The following NCKAP5 variants were observed in gnomAD, a reference collection of about 807,000 sequenced individuals.
The protein encoded by NCKAP5 is nck-associated protein 5.
NCKAP5 carries 92 observed loss-of-function variants against 167.0 expected under a neutral mutation model. The ratio of observed to expected loss-of-function variants is 0.55; its 90% CI spans 0.47 to 0.66. NCKAP5 has a LOEUF of 0.66. Among genes scored for constraint, NCKAP5 ranks in the 30% least tolerant of loss-of-function variants. The pLI is 0.00. For synonymous variants in NCKAP5, 891 were observed against 877.4 expected (o/e 1.02, Z -0.27); for missense variants, 2,378 against 2,315.0 (o/e 1.03, Z -0.56).
At chr2:133,540,059 C>T (rs533122704) in intron 2 of NCKAP5, among the ~76,000 whole-genome samples, 2 of 152,156 alleles carry the variant, frequency 1.3e-5, no homozygotes, top group South Asian at 4.2e-4. Context: ...ACGTCCCTGA[C>T]AGTCCCAGCT....
intron 4 of NCKAP5, among the ~76,000 whole-genome samples, chr2:133,252,644 T>A (rs1574502895): frequency 1.3e-5 from 2 of 152,232 alleles, no homozygotes; most frequent in African/African-American, 4.8e-5. Context: ...GCCCTAAGAT[T>A]TTTCTATGCC....
intron 3 of NCKAP5, among the ~76,000 whole-genome samples, chr2:133,315,977 C>A (rs1370324053): frequency 6.6e-6 from 1 of 152,116 alleles, no homozygotes; most frequent in Non-Finnish European, 1.5e-5. Flanking sequence ...CATGGGGCTA[C>A]GGAGGCCCTT....
At chr2:132,890,936 T>A (rs1315051576) in intron 8 of NCKAP5, among the ~76,000 whole-genome samples, 1 of 152,188 alleles carries the variant, frequency 6.6e-6, no homozygotes, top group Non-Finnish European at 1.5e-5. Context: ...TACCCATACA[T>A]GTGTGAAGGC....
At chr2:133,519,924 A>T (rs1370006155) in intron 2 of NCKAP5, among the ~76,000 whole-genome samples, 2 of 152,184 alleles carry the variant, frequency 1.3e-5, no homozygotes, top group Non-Finnish European at 2.9e-5. Context: ...ACGGTGGCTC[A>T]CACCTGTCAT....
At chr2:133,069,195 C>A (rs1290292526) in intron 6 of NCKAP5, among the ~76,000 whole-genome samples, 1 of 152,080 alleles carries the variant, frequency 6.6e-6, no homozygotes. Context: ...AAATAACGTA[C>A]AAATGTAAAG....
chr2:133,471,183 C>A (rs1399324496), intron 3 of NCKAP5, among the ~76,000 whole-genome samples: 7 of 152,116 alleles, frequency 4.6e-5, no homozygotes, highest in African/African-American at 1.7e-4. Flanking sequence ...AGGTTAGAGT[C>A]CTCTCAGGTG....
At chr2:133,092,977 C>T (rs914600124) in intron 6 of NCKAP5, among the ~76,000 whole-genome samples, 3 of 152,192 alleles carry the variant, frequency 2.0e-5, no homozygotes, top group African/African-American at 7.2e-5. Context: ...TTTTTGTTTG[C>T]TTTTGCAGTT....
At chr2:133,411,510 A>G (rs1038462450) in intron 3 of NCKAP5, among the ~76,000 whole-genome samples, 8 of 152,168 alleles carry the variant, frequency 5.3e-5, no homozygotes, top group African/African-American at 1.7e-4. Context: ...TAAATACACC[A>G]TTCATTTTCC....
chr2:132,680,304 CTG>C (rs1433374094), intron 19 of NCKAP5, among the ~76,000 whole-genome samples: 1 of 152,150 alleles, frequency 6.6e-6, no homozygotes, highest in Non-Finnish European at 1.5e-5. Context: ...TGGGGGCACT[CTG>C]TTTTCTTACT....
intron 16 of NCKAP5, among the ~76,000 whole-genome samples, chr2:132,741,392 T>A (rs1275872857): frequency 6.6e-6 from 1 of 152,150 alleles, no homozygotes; most frequent in Non-Finnish European, 1.5e-5. Flanking sequence ...TTGTACACAG[T>A]ACTTACTGTG....
intron 8 of NCKAP5, among the ~76,000 whole-genome samples, chr2:132,904,482 A>G (rs377589571): frequency 1.1e-4 from 16 of 152,128 alleles, no homozygotes; most frequent in Admixed American, 2.6e-4. Context: ...TTAAACATAA[A>G]TCTCATTTTA....
intron 9 of NCKAP5, among the ~76,000 whole-genome samples, chr2:132,875,599 GTTATTTTAC>G (rs1691202757): frequency 6.6e-6 from 1 of 152,288 alleles, no homozygotes. Context: ...GGTTTTGGAT[GTTATTTTAC>G]TTATTTTACT....
intron 16 of NCKAP5, among the ~76,000 whole-genome samples, chr2:132,748,552 G>A (rs940628465): frequency 2.0e-5 from 3 of 152,158 alleles, no homozygotes; most frequent in Non-Finnish European, 4.4e-5. Flanking sequence ...AGGGACATGA[G>A]CACATATGCA....
At chr2:132,896,067 G>A (rs1558914688) in intron 8 of NCKAP5, among the ~76,000 whole-genome samples, 3 of 152,136 alleles carry the variant, frequency 2.0e-5, no homozygotes, top group Non-Finnish European at 4.4e-5. Flanking sequence ...CCCAGGAGGT[G>A]GAGGTTGCAG....
chr2:133,324,660 T>C (rs1247918271), intron 3 of NCKAP5, among the ~76,000 whole-genome samples: 1 of 152,196 alleles, frequency 6.6e-6, no homozygotes, highest in Non-Finnish European at 1.5e-5. Context: ...TGAGCACCAG[T>C]TGTAACTAAG....
At chr2:133,341,984 G>C (rs528319035) in intron 3 of NCKAP5, among the ~76,000 whole-genome samples, 1 of 152,204 alleles carries the variant, frequency 6.6e-6, no homozygotes, top group South Asian at 2.1e-4. Context: ...TGTTACCCAG[G>C]CTGGAGTGCA....
chr2:133,629,415 C>G, the NCKAP5 span, among the ~76,000 whole-genome samples: 42 of 152,180 alleles, frequency 2.8e-4, no homozygotes, highest in East Asian at 6.8e-3. Flanking sequence ...AAATGCAAAT[C>G]AAAACCCCAG....
At chr2:133,467,337 G>C (rs1449563171) in intron 3 of NCKAP5, among the ~76,000 whole-genome samples, 1 of 152,122 alleles carries the variant, frequency 6.6e-6, no homozygotes, top group Non-Finnish European at 1.5e-5. Context: ...TATTGAACCA[G>C]ACTTGCATCC....
At chr2:133,185,447 C>T (rs2150052666) in intron 5 of NCKAP5, among the ~76,000 whole-genome samples, 1 of 151,954 alleles carries the variant, frequency 6.6e-6, no homozygotes, top group Non-Finnish European at 1.5e-5. Context: ...TATTTACGCT[C>T]TTTTTTGGTT....
Sources: allele counts gnomAD v4.1 joint callset (sites outside exome capture counted in the v4.1 genomes callset), GRCh38; gene constraint gnomAD v4.1.1; transcripts MANE v1.5; gene names NCBI Gene and HGNC (gene_info 2026-07-23, HGNC 2026-07-21).